FOCAD: variants seen among roughly 807,000 people sequenced by gnomAD.
The protein encoded by FOCAD is KIAA1797.
A neutral mutation model predicts 225.6 loss-of-function variants in FOCAD; 198 were observed. The ratio of observed to expected loss-of-function variants is 0.88; its 90% confidence interval spans 0.78 to 0.99. FOCAD has a LOEUF of 0.99. Among genes scored for constraint, FOCAD ranks in the 50% least tolerant of loss-of-function variants. The pLI, the probability that FOCAD is intolerant of heterozygous loss-of-function variation, is 0.00. For missense variants in FOCAD, 2,713 were observed against 2,123.6 expected, an observed-to-expected ratio of 1.28 and a Z score of -5.46; for synonymous variants, 897 against 755.0, an observed-to-expected ratio of 1.19 and a Z score of -3.08.
At chr9:20,910,098 C>G (rs1275394206) in intron 22 of FOCAD, among the ~76,000 whole-genome samples, 1 of 152,018 alleles carries the variant, frequency 6.6e-6, no homozygotes, top group Non-Finnish European at 1.5e-5. Flanking sequence ...CTAATTTTTC[C>G]ATAGGAACTT....
upstream of FOCAD, among the ~76,000 whole-genome samples, chr9:20,680,714 C>T (rs140544321): frequency 1.1e-4 from 17 of 152,284 alleles, no homozygotes; most frequent in African/African-American, 4.1e-4. Flanking sequence ...CACCTATAAT[C>T]CCAGCATTTT....
In FOCAD at chr9:20,848,192, A is replaced by C. The variant is rs1023762409; in HGVS notation, c.1921-14386A>C. ...AGAAACAGTCTGTATGCTTAGCTTC[A>C]AGAAAGTATGGGCGGCCATGTAGAA... On this transcript the variant is annotated intron_variant, in intron 15 of 43. Transcript: ENST00000338382. 2.0e-5 allele frequency among the ~76,000 whole-genome samples: 3 copies of C among 152,028 alleles called. No homozygotes were observed. In the East Asian group the frequency reaches 5.8e-4, roughly 29 times the overall value.
intron 8 of FOCAD, among the ~76,000 whole-genome samples, chr9:20,777,304 G>GT (rs35710134): frequency 0.022 from 2,465 of 110,856 alleles, 46 homozygotes; most frequent in Non-Finnish European, 0.03. Flanking sequence ...TTTCCTGTGG[G>GT]TTTTTTTTTT....
intron 27 of FOCAD, among the ~76,000 whole-genome samples, chr9:20,931,255 A>G (rs1835440577): frequency 6.6e-6 from 1 of 152,192 alleles, no homozygotes; most frequent in South Asian, 2.1e-4. Context: ...AACCCTGGGC[A>G]AAGACATCAG....
At chr9:20,745,171 G>A (rs1827942369) in intron 5 of FOCAD, among the ~76,000 whole-genome samples, 1 of 151,018 alleles carries the variant, frequency 6.6e-6, no homozygotes, top group African/African-American at 2.4e-5. Flanking sequence ...GTGCAGTGGT[G>A]CAGTCTTGGC....
At chr9:20,942,674 CTGGTTGAGTGCCTGTATACG>C (rs1836788080) in intron 28 of FOCAD, among the ~76,000 whole-genome samples, 2 of 152,126 alleles carry the variant, frequency 1.3e-5, no homozygotes, top group Non-Finnish European at 2.9e-5. Flanking sequence ...TCAATAAATA[CTGGTTGAGTGCCTGTATACG>C]CCAAGCAGTA....
intron 2 of FOCAD, among the ~76,000 whole-genome samples, chr9:20,676,714 T>G (rs908441459): frequency 1.3e-5 from 2 of 152,070 alleles, no homozygotes; most frequent in African/African-American, 4.8e-5. Context: ...GGAAAGGAAA[T>G]TTTCAAACAT....
At chr9:20,676,233 A>T (rs1822230734) in intron 2 of FOCAD, among the ~76,000 whole-genome samples, 1 of 152,148 alleles carries the variant, frequency 6.6e-6, no homozygotes, top group Non-Finnish European at 1.5e-5. Flanking sequence ...AACTTCATTT[A>T]CTCTGGTGGA....
chr9:20,859,377 A>G (rs1056631161), intron 15 of FOCAD, among the ~76,000 whole-genome samples: 7 of 150,198 alleles, frequency 4.7e-5, no homozygotes, highest in African/African-American at 1.7e-4. Flanking sequence ...GTGAAACTCC[A>G]TCTCAAAAAA....
At chr9:20,709,929 T>C (rs1362653503) in intron 1 of FOCAD, among the ~76,000 whole-genome samples, 1 of 152,202 alleles carries the variant, frequency 6.6e-6, no homozygotes, top group Non-Finnish European at 1.5e-5. Context: ...GCCCACCTCC[T>C]GAAAACAAGG....
intron 24 of FOCAD, among the ~76,000 whole-genome samples, chr9:20,920,707 G>A (rs1275994213): frequency 1.3e-5 from 2 of 151,692 alleles, no homozygotes; most frequent in South Asian, 2.1e-4. Flanking sequence ...GTAAACTATC[G>A]CAAGGTCAAA....
chr9:20,715,040 A>G (rs564491660), intron 1 of FOCAD, among the ~76,000 whole-genome samples: 2 of 152,262 alleles, frequency 1.3e-5, no homozygotes, highest in East Asian at 3.9e-4. Context: ...GAACTTTTGG[A>G]TGTTTTTTTC....
chr9:20,741,492 T>A (rs1337483124), intron 5 of FOCAD, among the ~76,000 whole-genome samples: 1 of 152,140 alleles, frequency 6.6e-6, no homozygotes, highest in African/African-American at 2.4e-5. Flanking sequence ...AACAAAGTCA[T>A]ATTTGCATTT....
chr9:20,816,949 A>G (rs1442066575), intron 11 of FOCAD, among the ~76,000 whole-genome samples: 2 of 152,178 alleles, frequency 1.3e-5, no homozygotes, highest in Non-Finnish European at 2.9e-5. Flanking sequence ...ACAAATACCT[A>G]TGCCATTTTA....
At chr9:20,947,898 G>T (rs530229196) in intron 30 of FOCAD, among the ~76,000 whole-genome samples, 1 of 152,058 alleles carries the variant, frequency 6.6e-6, no homozygotes, top group African/African-American at 2.4e-5. Context: ...CATATACTTT[G>T]CTTTTTATGG....
chr9:20,815,123 G>GTTTTTTTTTTTTTTTT (rs71334554), intron 11 of FOCAD, among the ~76,000 whole-genome samples: 4 of 85,394 alleles, frequency 4.7e-5, no homozygotes, highest in African/African-American at 9.3e-5. Flanking sequence ...ACTTCTCTTT[G>GTTTTTTTTTTTTTTTT]TTTTTTTTTT....
At chr9:20,757,887 A>G (rs1829201227) in intron 5 of FOCAD, among the ~76,000 whole-genome samples, 1 of 152,124 alleles carries the variant, frequency 6.6e-6, no homozygotes, top group Non-Finnish European at 1.5e-5. Flanking sequence ...TTTCTGCAAA[A>G]ATGTTAGGAA....
intron 1 of FOCAD, among the ~76,000 whole-genome samples, chr9:20,714,726 T>C (rs182971164): frequency 5.7e-4 from 86 of 151,660 alleles, no homozygotes; most frequent in Admixed American, 1.4e-3. Context: ...TTCACTTTTC[T>C]TTTCTTGTGA....
intron 28 of FOCAD, among the ~76,000 whole-genome samples, chr9:20,939,750 T>C (rs1377604370): frequency 6.6e-6 from 1 of 151,644 alleles, no homozygotes; most frequent in East Asian, 1.9e-4. Flanking sequence ...TTATTTTTTT[T>C]CTTTCTTTTT....
Sources: gnomAD v4.1 joint callset for allele counts (sites outside exome capture counted in the v4.1 genomes callset) on GRCh38, gnomAD v4.1.1 for gene constraint, MANE v1.5 for transcripts, NCBI Gene and HGNC (gene_info 2026-07-23, HGNC 2026-07-21) for gene names.